Variants in GABRB2 observed in about 807,000 individuals in gnomAD.
The protein encoded by GABRB2 is gamma-aminobutyric acid type A receptor subunit beta2, also known as gamma-aminobutyric acid receptor subunit beta-2.
GABRB2 carries 16 observed loss-of-function variants against 54.7 expected under a neutral mutation model. The observed-to-expected ratio is 0.29, with a 90% CI of 0.20 to 0.44. The LOEUF is 0.44. GABRB2 is among the 20% of genes least tolerant of loss of function. The pLI is 1.00. For missense variants in GABRB2, 355 were observed against 644.0 expected (o/e 0.55, Z 4.86); for synonymous variants, 244 against 233.8 (o/e 1.04, Z -0.40).
At chr5:161,397,097 A>AT (rs1364544993) in intron 5 of GABRB2, among the ~76,000 whole-genome samples, 2 of 152,230 alleles carry the variant, frequency 1.3e-5, no homozygotes, top group African/African-American at 4.8e-5. Flanking sequence ...CTTAAGGTAC[A>AT]TTTTATCAAT....
intron 5 of GABRB2, 34 bp from the exon 6 acceptor site, chr5:161,336,803 A>G: frequency 6.5e-7 from 1 of 1,531,422 alleles, no homozygotes; most frequent in Non-Finnish European, 8.7e-7. Flanking sequence ...CACACACACA[A>G]ATACAGAAAA....
chr5:161,528,043 C>G (rs1324515948), intron 3 of GABRB2, among the ~76,000 whole-genome samples: 1 of 151,474 alleles, frequency 6.6e-6, no homozygotes, highest in Non-Finnish European at 1.5e-5. Flanking sequence ...GCCAAAGAAC[C>G]CAAATGATCA....
At chr5:161,479,344 G>A (rs1326647950) in intron 3 of GABRB2, among the ~76,000 whole-genome samples, 1 of 151,988 alleles carries the variant, frequency 6.6e-6, no homozygotes, top group Non-Finnish European at 1.5e-5. Flanking sequence ...CCACCACACA[G>A]CTTACCTTCT....
At chr5:161,366,033 G>A (rs1349057200) in intron 5 of GABRB2, among the ~76,000 whole-genome samples, 8 of 149,874 alleles carry the variant, frequency 5.3e-5, no homozygotes, top group Non-Finnish European at 8.9e-5. Context: ...CAATGAATTC[G>A]CATGAAAAGT....
chr5:161,527,654 A>T (rs954194172), intron 3 of GABRB2, among the ~76,000 whole-genome samples: 2 of 151,600 alleles, frequency 1.3e-5, no homozygotes, highest in African/African-American at 4.8e-5. Flanking sequence ...AATAGAAAAT[A>T]AATTAATAAA....
Position 161,546,312 on chromosome 5 carries a change from A to C in GABRB2, c.169+10T>G. ...TGTGGCTGGACTTATTTGCAAGGCA[A>C]CCCCATTACCTCCAAAATCTGGTCT... On this transcript the variant is annotated intron_variant, in intron 2 of 9. Coordinates refer to ENST00000393959, the MANE Select transcript of GABRB2 (RefSeq NM_001371727.1). The C allele has an allele frequency of 6.2e-7, 1 of 1,612,116 alleles. No homozygotes were observed. The highest frequency in any genetic ancestry group is 8.5e-7 in the Non-Finnish European group (1 of 1,178,164).
intron 5 of GABRB2, among the ~76,000 whole-genome samples, chr5:161,340,122 C>A (rs78584351): frequency 6.6e-6 from 1 of 151,804 alleles, no homozygotes; most frequent in East Asian, 1.9e-4. Context: ...TTATCCATTG[C>A]GATAAATATT....
In GABRB2 at chr5:161,382,241, C is replaced by T. The variant is rs115355040; in HGVS notation, c.541+28734G>A. Among the ~76,000 whole-genome samples, 352 of 152,256 alleles carry T rather than the reference C, an allele frequency of 2.3e-3. 3 individuals carry two copies. The highest frequency in any genetic ancestry group is 7.9e-3 in the African/African-American group (327 of 41,574). On this transcript the variant is annotated intron_variant, in intron 5 of 9. Coordinates refer to ENST00000393959, the MANE Select transcript of GABRB2 (RefSeq NM_001371727.1). Reference sequence around the variant, plus strand: ...CAGTTCCCTCCAGTCCCAGGAAGTGCGCTATCCTCTACAGCCAACTGGAAA... The same window carrying T: ...CAGTTCCCTCCAGTCCCAGGAAGTGTGCTATCCTCTACAGCCAACTGGAAA...
At chr5:161,381,180 G>T (rs1755455089) in intron 5 of GABRB2, among the ~76,000 whole-genome samples, 1 of 152,064 alleles carries the variant, frequency 6.6e-6, no homozygotes, top group Non-Finnish European at 1.5e-5. Context: ...AGTGACCATG[G>T]GTAAGTCACT....
intron 5 of GABRB2, among the ~76,000 whole-genome samples, chr5:161,369,113 A>G (rs1317091295): frequency 6.6e-6 from 1 of 152,166 alleles, no homozygotes; most frequent in African/African-American, 2.4e-5. Context: ...GGAGCTTCTT[A>G]TCTTTGAATT....
chr5:161,358,704 G>A (rs1754714256), intron 5 of GABRB2, among the ~76,000 whole-genome samples: 1 of 152,140 alleles, frequency 6.6e-6, no homozygotes, highest in South Asian at 2.1e-4. Context: ...AGTATTCAGT[G>A]CTCTTATATG....
chr5:161,489,085 G>A (rs1292750106), intron 3 of GABRB2, among the ~76,000 whole-genome samples: 1 of 151,666 alleles, frequency 6.6e-6, no homozygotes, highest in Non-Finnish European at 1.5e-5. Flanking sequence ...TAATGAAACC[G>A]CTGCCATTCT....
chr5:161,454,400 G>A (rs1020604897), intron 4 of GABRB2, among the ~76,000 whole-genome samples: 15 of 152,018 alleles, frequency 9.9e-5, no homozygotes, highest in Admixed American at 3.9e-4. Flanking sequence ...TTTCTTTAGC[G>A]GTTTTCTTTT....
In GABRB2 at chr5:161,290,474, T is replaced by C. The variant is rs530383083; in HGVS notation, c.*3607A>G. 1.1e-4 allele frequency: 17 copies of C among 152,702 alleles called. No homozygotes were observed. The highest frequency in any genetic ancestry group is 4.1e-4 in the African/African-American group (17 of 41,566). 9.5% of individuals were successfully genotyped at this position (152,702 alleles called of 1,614,324 possible). A position where few individuals can be genotyped will look rare whatever the true frequency, so the allele number is the denominator to read the frequency against. ...AAAACTGTAGGCATTGATTTGCTGA[T>C]AGAGAAATGCTCAGTACCCTGTATT... is the stretch of plus-strand genomic sequence containing the variant. On this transcript the variant is annotated 3_prime_UTR_variant, in exon 10 of 10. Transcript: ENST00000393959.
intron 3 of GABRB2, among the ~76,000 whole-genome samples, chr5:161,483,149 T>C (rs1261891722): frequency 6.6e-6 from 1 of 152,158 alleles, no homozygotes; most frequent in East Asian, 1.9e-4. Context: ...GAGTAGGAAC[T>C]AGTGGGGAAT....
At chr5:161,357,518 G>GT in intron 5 of GABRB2, among the ~76,000 whole-genome samples, 1 of 39,208 alleles carries the variant, frequency 2.6e-5, no homozygotes, top group African/African-American at 1.2e-4. Context: ...AGAGTTTTGA[G>GT]CAAAAAAAAA....
chr5:161,440,062 C>CAAAAA (rs61152845), intron 4 of GABRB2, among the ~76,000 whole-genome samples: 28 of 77,116 alleles, frequency 3.6e-4, no homozygotes, highest in Non-Finnish European at 5.5e-4. Flanking sequence ...AACCTCAAAC[C>CAAAAA]AAAAAAAAAA....
intron 7 of GABRB2, among the ~76,000 whole-genome samples, chr5:161,333,969 A>G (rs1187218406): frequency 2.0e-5 from 3 of 152,206 alleles, no homozygotes; most frequent in African/African-American, 7.2e-5. Flanking sequence ...TATAACTTTC[A>G]GAAGACTGCT....
At chr5:161,534,802 A>G (rs1760580798) in intron 3 of GABRB2, among the ~76,000 whole-genome samples, 1 of 152,072 alleles carries the variant, frequency 6.6e-6, no homozygotes, top group Non-Finnish European at 1.5e-5. Flanking sequence ...AGAAGAAAAA[A>G]CCCCAGAGAA....
Sources: gnomAD v4.1 joint callset for allele counts (sites outside exome capture counted in the v4.1 genomes callset) on GRCh38, gnomAD v4.1.1 for gene constraint, MANE v1.5 for transcripts, NCBI Gene and HGNC (gene_info 2026-07-23, HGNC 2026-07-21) for gene names.